The following MYL11 variants were observed in gnomAD, a reference collection of about 807,000 sequenced individuals.
MYL11 encodes the protein myosin regulatory light chain 11.
the MYL11 span, chr16:30,377,938 C>A: frequency 6.4e-7 from 1 of 1,561,068 alleles, no homozygotes; most frequent in South Asian, 1.1e-5. Context: ...CGCTTCTGTT[C>A]GGCCCGACCT....
the MYL11 span, chr16:30,377,903 G>A: frequency 6.2e-7 from 1 of 1,600,726 alleles, no homozygotes; most frequent in East Asian, 2.2e-5. Flanking sequence ...AGGAGTAGGG[G>A]CACCCGCGGG....
At chr16:30,377,589 G>A in the MYL11 span, 4 of 1,387,468 alleles carry the variant, frequency 2.9e-6, no homozygotes, top group South Asian at 7.2e-5. Flanking sequence ...TCGGGGATGA[G>A]GTGCGAGGGA....
the MYL11 span, among the ~76,000 whole-genome samples, chr16:30,373,468 C>T: frequency 3.3e-5 from 5 of 152,066 alleles, no homozygotes; most frequent in East Asian, 1.9e-4. Context: ...TGGTGACACG[C>T]GCCTGTAGTC....
the MYL11 span, among the ~76,000 whole-genome samples, chr16:30,374,206 C>T: frequency 2.0e-5 from 3 of 151,660 alleles, no homozygotes; most frequent in Non-Finnish European, 4.4e-5. Context: ...ATCCCAGCTA[C>T]TCGGGAGGCC....
the MYL11 span, chr16:30,377,637 G>C: frequency 2.0e-6 from 3 of 1,489,864 alleles, no homozygotes; most frequent in Non-Finnish European, 2.7e-6. Flanking sequence ...AACTCCCCTT[G>C]TGTCACCTCT....
At chr16:30,377,152 G>T in the MYL11 span, among the ~76,000 whole-genome samples, 4 of 152,110 alleles carry the variant, frequency 2.6e-5, no homozygotes, top group South Asian at 6.2e-4. Context: ...GTCGGAGGTT[G>T]CAGTGAGCCA....
the MYL11 span, chr16:30,372,269 G>A: frequency 6.6e-6 from 1 of 152,566 alleles, no homozygotes; most frequent in East Asian, 1.9e-4. Context: ...GGAGGCTAAG[G>A]GCAGCTGCTA....
At chr16:30,376,715 C>A in the MYL11 span, 1 of 1,610,556 alleles carries the variant, frequency 6.2e-7, no homozygotes, top group East Asian at 2.2e-5. Context: ...ATCGGCTCCC[C>A]CACCCTTCCG....
At chr16:30,375,749 C>T in the MYL11 span, 1 of 1,314,078 alleles carries the variant, frequency 7.6e-7, no homozygotes, top group East Asian at 2.4e-5. Flanking sequence ...AATTCTGACT[C>T]TTAATCCATT....
At chr16:30,376,727 C>A in the MYL11 span, 1 of 1,599,696 alleles carries the variant, frequency 6.3e-7, no homozygotes, top group East Asian at 2.2e-5. Flanking sequence ...ACCCTTCCGA[C>A]CCTTCCCCCA....
chr16:30,374,639 T>C, the MYL11 span: 1 of 546,644 alleles, frequency 1.8e-6, no homozygotes, highest in Non-Finnish European at 3.2e-6. Context: ...CCCCCCTTCC[T>C]CCCCGCTGGG....
At chr16:30,372,254 G>C in the MYL11 span, 1 of 152,544 alleles carries the variant, frequency 6.6e-6, no homozygotes, top group Non-Finnish European at 1.5e-5. Context: ...GGAGGGGCTG[G>C]TGTGGGAGGC....
chr16:30,375,957 C>T, the MYL11 span: 1,066 of 1,589,104 alleles, frequency 6.7e-4, 5 homozygotes, highest in African/African-American at 0.013. Context: ...CAAAAGCAGC[C>T]CTGCTGGCCC....
the MYL11 span, among the ~76,000 whole-genome samples, chr16:30,374,250 A>G: frequency 1.3e-5 from 2 of 151,120 alleles, no homozygotes; most frequent in Admixed American, 1.3e-4. Flanking sequence ...GGGGAGGTGG[A>G]GGTTGCAGTG....
chr16:30,375,054 C>A, the MYL11 span, among the ~76,000 whole-genome samples: 3 of 152,228 alleles, frequency 2.0e-5, no homozygotes, highest in Non-Finnish European at 2.9e-5. Context: ...CCCAGACATT[C>A]AACTCACAGG....
At chr16:30,374,327 A>G in the MYL11 span, among the ~76,000 whole-genome samples, 1 of 147,500 alleles carries the variant, frequency 6.8e-6, no homozygotes, top group South Asian at 2.1e-4. Flanking sequence ...AAAAAAAAAA[A>G]GGGAGACAGG....
chr16:30,376,712 CCCCCA>C, the MYL11 span: 1 of 1,611,530 alleles, frequency 6.2e-7, no homozygotes, highest in African/African-American at 1.3e-5. Flanking sequence ...AGCATCGGCT[CCCCCA>C]CCCTTCCGAC....
the MYL11 span, chr16:30,376,718 C>T: frequency 1.2e-6 from 2 of 1,604,190 alleles, no homozygotes; most frequent in Non-Finnish European, 1.7e-6. Flanking sequence ...GGCTCCCCCA[C>T]CCTTCCGACC....
chr16:30,376,326 C>A, the MYL11 span: 6 of 1,545,748 alleles, frequency 3.9e-6, no homozygotes, highest in Non-Finnish European at 5.3e-6. Context: ...CTCAGTCTAC[C>A]CAGCTGAAAA....
Sources: gnomAD v4.1 joint callset for allele counts (sites outside exome capture counted in the v4.1 genomes callset) on GRCh38, gnomAD v4.1.1 for gene constraint, MANE v1.5 for transcripts, NCBI Gene and HGNC (gene_info 2026-07-23, HGNC 2026-07-21) for gene names.